The following CLASP2 variants were observed in gnomAD, a reference collection of about 807,000 sequenced individuals.
CLASP2 encodes the protein cytoplasmic linker associated protein 2.
CLASP2 carries 47 observed loss-of-function variants against 194.4 expected under a neutral mutation model. The observed-to-expected ratio is 0.24, with a 90% confidence interval of 0.19 to 0.31. The LOEUF is 0.31. Ranked by LOEUF, CLASP2 falls within the 10% of genes least tolerant of loss-of-function variation. The pLI is 1.00. For synonymous variants in CLASP2, 619 were observed against 633.5 expected (o/e 0.98, Z 0.34); for missense variants, 1,445 against 1,823.6 (o/e 0.79, Z 3.78).
rs183105115 is a variant in CLASP2, at chr3:33,647,810, G to A, written c.716-2907C>T. ...AGCACTTTGGGAGGCCGAGGCAGGT[G>A]GGTGACGAGGTCAGGAGATTGAGAC... On this transcript the variant is annotated intron_variant, in intron 7 of 38. Transcript: ENST00000682230. Among the ~76,000 whole-genome samples the A allele has an allele frequency of 1.4e-3, 207 of 152,264 alleles. 1 individual carries two copies. The highest frequency in any genetic ancestry group is 4.6e-3 in the African/African-American group (190 of 41,558).
At chr3:33,534,045 C>G (rs2056855754) in intron 34 of CLASP2, among the ~76,000 whole-genome samples, 1 of 151,850 alleles carries the variant, frequency 6.6e-6, no homozygotes, top group Non-Finnish European at 1.5e-5. Flanking sequence ...CTGACACACA[C>G]AAAAAGAATT....
intron 37 of CLASP2, chr3:33,504,323 T>C (rs2047563224): frequency 1.3e-5 from 2 of 152,236 alleles, no homozygotes; most frequent in Admixed American, 6.5e-5. Flanking sequence ...GTAGTTTTAG[T>C]AGCTATATTT....
intron 5 of CLASP2, among the ~76,000 whole-genome samples, chr3:33,686,150 T>C (rs2090640657): frequency 6.6e-6 from 1 of 152,136 alleles, no homozygotes; most frequent in Admixed American, 6.5e-5. Flanking sequence ...TCAGAGCAGG[T>C]AGGATCTAAA....
intron 7 of CLASP2, chr3:33,659,094 C>G (rs550821209): frequency 6.7e-7 from 1 of 1,500,588 alleles, no homozygotes; most frequent in East Asian, 2.5e-5. Context: ...CTGCAGACAC[C>G]CGGAGCACTG....
intron 22 of CLASP2, among the ~76,000 whole-genome samples, chr3:33,583,553 C>T (rs1176479091): frequency 6.6e-6 from 1 of 152,098 alleles, no homozygotes; most frequent in African/African-American, 2.4e-5. Flanking sequence ...TTAAAGCCAA[C>T]TTATGGAACA....
chr3:33,501,666 G>A lies in CLASP2; in HGVS notation c.4420C>T (p.Leu1474Phe). Reference sequence around the variant, plus strand: ...GCACTACTTACTTTACTGCCAGTAAGTTGACTGAGATGTGGTTTTAGTTCA... The same window carrying A: ...GCACTACTTACTTTACTGCCAGTAAATTGACTGAGATGTGGTTTTAGTTCA... ...GDELKPHLSQ[L>F]TGSKMKLLNL... The change falls in exon 38 of 39, where the codon CTT (leucine) becomes TTT (phenylalanine). Residue 1474 changes from leucine to phenylalanine, a missense_variant. Leu to Phe is a conservative substitution (Grantham distance 22, BLOSUM62 0). Transcript: ENST00000682230. 1 of 1,610,494 alleles carries A rather than the reference G, an allele frequency of 6.2e-7. No individual in the cohort carries two copies. Among genetic ancestry groups the A allele is most frequent in the Non-Finnish European group, 8.5e-7 (1 of 1,176,736 alleles).
At chr3:33,693,526 A>G (rs915562713) in intron 2 of CLASP2, among the ~76,000 whole-genome samples, 2 of 152,190 alleles carry the variant, frequency 1.3e-5, no homozygotes, top group Admixed American at 6.5e-5. Flanking sequence ...GTCCAGTTCC[A>G]TACCTCTCTA....
At chr3:33,552,382 G>A (rs1323806727) in intron 29 of CLASP2, among the ~76,000 whole-genome samples, 1 of 152,180 alleles carries the variant, frequency 6.6e-6, no homozygotes, top group Non-Finnish European at 1.5e-5. Context: ...CTCCCGAAGT[G>A]CTGGGATTAC....
intron 20 of CLASP2, among the ~76,000 whole-genome samples, chr3:33,593,897 G>A (rs9815377): frequency 0.053 from 8,006 of 152,148 alleles, 679 homozygotes; most frequent in African/African-American, 0.18. Flanking sequence ...AGGCTGGAGT[G>A]CGGTGGCATG....
At chr3:33,584,125 G>A (rs780822631) in intron 22 of CLASP2, among the ~76,000 whole-genome samples, 28 of 152,066 alleles carry the variant, frequency 1.8e-4, no homozygotes, top group Non-Finnish European at 1.5e-4. Flanking sequence ...GAATAGGGCT[G>A]AACTATAACA....
chr3:33,583,576 T>G (rs1257243789), intron 22 of CLASP2, among the ~76,000 whole-genome samples: 1 of 152,196 alleles, frequency 6.6e-6, no homozygotes, highest in Non-Finnish European at 1.5e-5. Flanking sequence ...TACATAAGAC[T>G]TGCTTGTGGA....
At chr3:33,643,245 A>ATATATATTCAT in intron 8 of CLASP2, among the ~76,000 whole-genome samples, 1 of 151,932 alleles carries the variant, frequency 6.6e-6, no homozygotes, top group African/African-American at 2.4e-5. Context: ...ATATATTATC[A>ATATATATTCAT]CCACAAATCT....
chr3:33,644,722 G>A (rs1181560501), intron 8 of CLASP2, 35 bp downstream of exon 8: 7 of 1,608,256 alleles, frequency 4.4e-6, no homozygotes, highest in East Asian at 2.2e-5. Context: ...AGGGCATGGA[G>A]CATGCATAAC....
chr3:33,536,500 G>C (rs1458944006), intron 33 of CLASP2, among the ~76,000 whole-genome samples: 1 of 152,182 alleles, frequency 6.6e-6, no homozygotes, highest in Non-Finnish European at 1.5e-5. Context: ...TGCATAGTAA[G>C]TTCAAGGAAT....
chr3:33,643,436 T>C (rs2081692988), intron 8 of CLASP2, among the ~76,000 whole-genome samples: 2 of 151,856 alleles, frequency 1.3e-5, no homozygotes, highest in African/African-American at 4.8e-5. Context: ...TAAATAGGAA[T>C]GCAACATAAA....
chr3:33,674,834 T>C (rs1179751948), intron 6 of CLASP2, among the ~76,000 whole-genome samples: 1 of 152,142 alleles, frequency 6.6e-6, no homozygotes, highest in Non-Finnish European at 1.5e-5. Flanking sequence ...CTAGAAAATC[T>C]AGAAGAAATG....
chr3:33,533,741 G>T (rs577738884), intron 34 of CLASP2, among the ~76,000 whole-genome samples: 5 of 151,864 alleles, frequency 3.3e-5, no homozygotes, highest in Non-Finnish European at 7.4e-5. Context: ...TTGAGACAGG[G>T]TCTCACTCTG....
intron 26 of CLASP2, among the ~76,000 whole-genome samples, chr3:33,569,297 A>G (rs1413875463): frequency 6.6e-6 from 1 of 152,224 alleles, no homozygotes; most frequent in Non-Finnish European, 1.5e-5. Context: ...ATCCAACCAA[A>G]CTGCATTACT....
intron 7 of CLASP2, chr3:33,658,988 A>AT (rs1209976308): frequency 6.5e-7 from 1 of 1,536,016 alleles, no homozygotes; most frequent in Admixed American, 2.0e-5. Context: ...TCCCATAGCC[A>AT]TTAGATGGTC....
Sources: gnomAD v4.1 joint callset for allele counts (sites outside exome capture counted in the v4.1 genomes callset) on GRCh38, gnomAD v4.1.1 for gene constraint, MANE v1.5 for transcripts, NCBI Gene and HGNC (gene_info 2026-07-23, HGNC 2026-07-21) for gene names.